Variants in AGBL4 observed in about 807,000 individuals in gnomAD.
AGBL4 encodes the protein cytosolic carboxypeptidase 6.
Under a neutral mutation model 66.4 loss-of-function variants are expected in AGBL4, and 58 were observed. The ratio of observed to expected loss-of-function variants is 0.87; its 90% CI spans 0.71 to 1.09. The LOEUF (loss-of-function observed/expected upper bound fraction) is 1.09, where lower values mean the gene tolerates loss of function less well. AGBL4 is among the 50% of genes least tolerant of loss of function. The probability of loss-of-function intolerance (pLI) is 0.00; values close to 1 mark genes in which losing one functional copy is unlikely to be tolerated. For synonymous variants in AGBL4, 234 were observed against 222.9 expected (o/e 1.05, Z -0.44); for missense variants, 579 against 631.0 (o/e 0.92, Z 0.88).
chr1:50,014,367 GA>G (rs947807796), intron 1 of AGBL4, among the ~76,000 whole-genome samples: 183 of 138,590 alleles, frequency 1.3e-3, no homozygotes, highest in African/African-American at 3.3e-3. Context: ...ACTTTGTCTC[GA>G]AAAAAAAAAA....
chr1:49,676,387 G>T (rs1053095688), intron 3 of AGBL4, among the ~76,000 whole-genome samples: 8 of 151,986 alleles, frequency 5.3e-5, no homozygotes, highest in African/African-American at 9.7e-5. Flanking sequence ...TCTAAAATTT[G>T]CCCAGGTCTT....
At chr1:49,609,687 T>C (rs920033607) in intron 3 of AGBL4, among the ~76,000 whole-genome samples, 2 of 152,146 alleles carry the variant, frequency 1.3e-5, no homozygotes, top group African/African-American at 4.8e-5. Flanking sequence ...GACATACATA[T>C]TATTTCATTA....
Position 49,206,859 on chromosome 1 carries a change from T to TGGAGAGGAGAGGAGA in AGBL4, c.377+38896_377+38910dup, listed in dbSNP as rs71056687. On this transcript the variant is annotated intron_variant, in intron 4 of 13. Coordinates refer to ENST00000371839, the MANE Select transcript of AGBL4 (RefSeq NM_032785.4). ...AACTTTCTGAGCATTAGACTTTAGA[T>TGGAGAGGAGAGGAGA]GGAGAGGAGAGGAGAGGAGAGGAGA... Among the ~76,000 whole-genome samples the TGGAGAGGAGAGGAGA allele has an allele frequency of 4.5e-3, 290 of 63,888 alleles. 2 individuals carry two copies. Among genetic ancestry groups the TGGAGAGGAGAGGAGA allele is most frequent in the Middle Eastern group, 0.018 (2 of 110 alleles). The allele number at this position is 63,888 out of a possible 152,430, so 41.9% of individuals were successfully genotyped here.
chr1:49,993,006 T>C (rs1022949069), intron 1 of AGBL4, among the ~76,000 whole-genome samples: 2 of 152,158 alleles, frequency 1.3e-5, no homozygotes, highest in Non-Finnish European at 2.9e-5. Flanking sequence ...TACTATTCCA[T>C]CCTTATTCAA....
chr1:49,304,487 T>G lies in AGBL4; in HGVS notation c.283-58623A>C, dbSNP rs374797404. ...CAGAAAACCTGTGGGAGTTTATCAC[T>G]TCAGGAATCCTTGACATGGTGTTTG... On this transcript the variant is annotated intron_variant, in intron 3 of 13. Coordinates refer to ENST00000371839, the MANE Select transcript of AGBL4 (RefSeq NM_032785.4). Among the ~76,000 whole-genome samples, 27 of 152,308 alleles carry G rather than the reference T, an allele frequency of 1.8e-4. 1 individual carries two copies. The East Asian group carries it at 4.2e-3, about 24-fold the overall frequency.
chr1:48,814,335 T>C (rs1402511705), intron 6 of AGBL4, among the ~76,000 whole-genome samples: 1 of 148,726 alleles, frequency 6.7e-6, no homozygotes, highest in Non-Finnish European at 1.5e-5. Flanking sequence ...ATTTTTTAAT[T>C]GACATATAAT....
intron 3 of AGBL4, among the ~76,000 whole-genome samples, chr1:49,398,696 C>T (rs983599471): frequency 6.6e-6 from 1 of 152,040 alleles, no homozygotes. Flanking sequence ...TTGACTGTTT[C>T]CACTCTTTTT....
At chr1:49,988,281 C>G (rs1225876710) in intron 1 of AGBL4, among the ~76,000 whole-genome samples, 2 of 152,072 alleles carry the variant, frequency 1.3e-5, no homozygotes, top group Non-Finnish European at 2.9e-5. Context: ...TTTTATCCAT[C>G]CATTTATCTA....
intron 2 of AGBL4, among the ~76,000 whole-genome samples, chr1:49,799,497 T>C (rs1644807967): frequency 1.3e-5 from 2 of 152,116 alleles, no homozygotes; most frequent in African/African-American, 2.4e-5. Context: ...ATGCTAGTAA[T>C]GATTAATGTC....
At chr1:48,850,562 T>C (rs144772561) in intron 6 of AGBL4, among the ~76,000 whole-genome samples, 9 of 152,312 alleles carry the variant, frequency 5.9e-5, no homozygotes, top group Non-Finnish European at 1.3e-4. Context: ...TCTCACTCTG[T>C]CACCCAGGCT....
At chr1:48,659,615 C>T (rs1646074888) in intron 7 of AGBL4, among the ~76,000 whole-genome samples, 1 of 152,200 alleles carries the variant, frequency 6.6e-6, no homozygotes, top group South Asian at 2.1e-4. Flanking sequence ...TGGTTCAGGC[C>T]AAGCTCCTGG....
At chr1:49,271,713 C>G (rs1009005188) in intron 3 of AGBL4, among the ~76,000 whole-genome samples, 2 of 152,120 alleles carry the variant, frequency 1.3e-5, no homozygotes, top group Non-Finnish European at 2.9e-5. Flanking sequence ...TTCCTCCCTA[C>G]CCCTCCTTCT....
At chr1:49,773,386 T>C (rs1644114018) in intron 2 of AGBL4, among the ~76,000 whole-genome samples, 1 of 152,228 alleles carries the variant, frequency 6.6e-6, no homozygotes, top group Non-Finnish European at 1.5e-5. Context: ...ACTCTACATA[T>C]CTGCACATCG....
chr1:48,639,205 AG>A (rs1645716546), intron 8 of AGBL4, among the ~76,000 whole-genome samples: 1 of 152,216 alleles, frequency 6.6e-6, no homozygotes, highest in Admixed American at 6.5e-5. Flanking sequence ...GCTTTTTAGA[AG>A]CTAAAGCATT....
chr1:49,348,130 A>C (rs758951649), intron 3 of AGBL4, among the ~76,000 whole-genome samples: 11 of 151,486 alleles, frequency 7.3e-5, no homozygotes, highest in Non-Finnish European at 1.5e-4. Flanking sequence ...TTATAAGAGG[A>C]AGACAAAGCC....
At chr1:49,940,979 G>A (rs1412738702) in intron 1 of AGBL4, among the ~76,000 whole-genome samples, 1 of 151,944 alleles carries the variant, frequency 6.6e-6, no homozygotes, top group Non-Finnish European at 1.5e-5. Context: ...AAATGAAAGA[G>A]CAGACATTAC....
At chr1:48,853,066 A>G (rs770260851) in intron 6 of AGBL4, among the ~76,000 whole-genome samples, 1 of 152,214 alleles carries the variant, frequency 6.6e-6, no homozygotes, top group Non-Finnish European at 1.5e-5. Context: ...CTAGATCATA[A>G]TAAACATTTT....
At position 49,510,112 on chromosome 1, in the gene AGBL4, A is replaced by G. The variant is rs144236197; in HGVS notation, c.282+187201T>C. 1.4e-4 allele frequency among the ~76,000 whole-genome samples: 22 copies of G among 152,094 alleles called. 1 individual carries two copies. The highest frequency in any genetic ancestry group is 1.1e-3 in the Admixed American group (17 of 15,256). On this transcript the variant is annotated intron_variant, in intron 3 of 13. Coordinates refer to ENST00000371839, the MANE Select transcript of AGBL4 (RefSeq NM_032785.4). ...TAGCTCAGGACATTCTCCCCATAGC[A>G]TCATCCTCTAGTTCCTCTCCATAAT...
intron 1 of AGBL4, among the ~76,000 whole-genome samples, chr1:49,965,061 T>A (rs1459262112): frequency 2.6e-5 from 4 of 152,216 alleles, no homozygotes; most frequent in Non-Finnish European, 2.9e-5. Context: ...ATTGTATCCA[T>A]GATTGGGCAA....
Sources: allele counts gnomAD v4.1 joint callset (sites outside exome capture counted in the v4.1 genomes callset), GRCh38; gene constraint gnomAD v4.1.1; transcripts MANE v1.5; gene names NCBI Gene and HGNC (gene_info 2026-07-23, HGNC 2026-07-21).